OXR1: variants seen among roughly 807,000 people sequenced by gnomAD.
The protein encoded by OXR1 is oxidation resistance protein 1.
A neutral mutation model predicts 104.6 loss-of-function variants in OXR1; 41 were observed. That is an observed-to-expected ratio of 0.39 (90% CI 0.31 to 0.51). The LOEUF is 0.51. Ranked by LOEUF, OXR1 falls within the 20% of genes least tolerant of loss-of-function variation. OXR1 has a pLI of 0.77. For missense variants in OXR1, 955 were observed against 1,031.9 expected (o/e 0.93, Z 1.02); for synonymous variants, 348 against 348.4 (o/e 1.00, Z 0.01).
intron 2 of OXR1, among the ~76,000 whole-genome samples, chr8:106,387,176 C>A (rs1031691920): frequency 8.5e-5 from 13 of 152,248 alleles, no homozygotes; most frequent in Non-Finnish European, 1.8e-4. Flanking sequence ...AGAATACAGA[C>A]ATGTTAAACT....
chr8:106,545,720 A>G (rs756377275), intron 3 of OXR1, among the ~76,000 whole-genome samples: 12 of 152,148 alleles, frequency 7.9e-5, no homozygotes, highest in Non-Finnish European at 1.3e-4. Context: ...AGGTAAAGGA[A>G]GGAAAATAGG....
rs71562118 is a variant in OXR1, at chr8:106,737,440, CTTTTTTTT to C, written c.1957-61_1957-54del. On this transcript the variant is annotated intron_variant, in intron 11 of 16. Transcript: ENST00000517566. ...TTCTCTTCCCATTTTAATTTCTCCT[CTTTTTTTT>C]TTTTTTTTTTTTTTTTTTGCTGTTT... The C allele has an allele frequency of 2.9e-4, 43 of 148,054 alleles. No individual in the cohort carries two copies. The South Asian group carries it at 3.5e-3, about 12-fold the overall frequency. The allele number at this position is 148,054 out of a possible 1,614,324, so 9.2% of individuals were successfully genotyped here.
Position 106,633,232 on chromosome 8 carries a change from AAAAAC to A in OXR1, c.221-45959_221-45955del, listed in dbSNP as rs371897998. On this transcript the variant is annotated intron_variant, in intron 3 of 16. Coordinates refer to ENST00000517566, the MANE Select transcript of OXR1 (RefSeq NM_001198533.2). ...GGGCGACACAGTGAGATTCCATCAA[AAAAAC>A]AAAACAAAACAAAACAAACAACAAC... is the stretch of plus-strand genomic sequence containing the variant. Among the ~76,000 whole-genome samples the A allele has an allele frequency of 1.4e-4, 21 of 152,218 alleles. No individual in the cohort carries two copies. In the South Asian group the frequency reaches 3.1e-3, roughly 23 times the overall value.
chr8:106,406,712 G>T (rs1339099174), intron 2 of OXR1, among the ~76,000 whole-genome samples: 1 of 152,078 alleles, frequency 6.6e-6, no homozygotes, highest in Admixed American at 6.6e-5. Flanking sequence ...GGATGAATAG[G>T]TAGAGTACAG....
chr8:106,595,474 C>T lies in OXR1; in HGVS notation c.220+76335C>T, dbSNP rs1322514315. 3.4e-5 allele frequency among the ~76,000 whole-genome samples: 5 copies of T among 147,750 alleles called. 1 individual carries two copies. The highest frequency in any genetic ancestry group is 2.1e-4 in the South Asian group (1 of 4,720). On this transcript the variant is annotated intron_variant, in intron 3 of 16. Transcript: ENST00000517566. ...CTGAGGCAGGAGAATCACTCGAACC[C>T]GAGAGGCAGAGGTTGCAGTGAGCTG...
intron 7 of OXR1, chr8:106,697,829 A>T: frequency 6.2e-7 from 1 of 1,612,286 alleles, no homozygotes; most frequent in East Asian, 2.2e-5. Context: ...AGCTCACATA[A>T]CACCGTGCCA....
chr8:106,658,477 C>G (rs866029693), intron 3 of OXR1, among the ~76,000 whole-genome samples: 8 of 152,202 alleles, frequency 5.3e-5, no homozygotes, highest in African/African-American at 1.7e-4. Flanking sequence ...AGGGGACGAT[C>G]CATTCTCTCT....
chr8:106,619,326 T>A (rs1396672521), intron 3 of OXR1, among the ~76,000 whole-genome samples: 1 of 152,202 alleles, frequency 6.6e-6, no homozygotes, highest in Non-Finnish European at 1.5e-5. Context: ...AAAGCAATTA[T>A]TTCATATCAT....
intron 2 of OXR1, among the ~76,000 whole-genome samples, chr8:106,494,521 C>T (rs1811297330): frequency 6.6e-6 from 1 of 152,164 alleles, no homozygotes; most frequent in Non-Finnish European, 1.5e-5. Flanking sequence ...CCTAACCCTC[C>T]CCAACTCCCA....
At chr8:106,427,702 CTA>C (rs1347902496) in intron 2 of OXR1, among the ~76,000 whole-genome samples, 1 of 152,136 alleles carries the variant, frequency 6.6e-6, no homozygotes, top group Non-Finnish European at 1.5e-5. Flanking sequence ...TATGTGAAGA[CTA>C]TGTTCTGACA....
intron 2 of OXR1, among the ~76,000 whole-genome samples, chr8:106,457,172 A>G (rs1820641510): frequency 6.6e-6 from 1 of 152,186 alleles, no homozygotes; most frequent in East Asian, 1.9e-4. Flanking sequence ...ATTACTTTGG[A>G]TTAGGTCACC....
intron 3 of OXR1, among the ~76,000 whole-genome samples, chr8:106,578,452 G>A (rs1818006221): frequency 6.6e-6 from 1 of 152,138 alleles, no homozygotes; most frequent in Non-Finnish European, 1.5e-5. Context: ...AGTTAACAGG[G>A]ATACTCATAT....
At chr8:106,299,133 G>A (rs1398945355) in intron 1 of OXR1, among the ~76,000 whole-genome samples, 1 of 151,954 alleles carries the variant, frequency 6.6e-6, no homozygotes, top group Non-Finnish European at 1.5e-5. Flanking sequence ...TTATCACTTT[G>A]TGTTCATCGC....
chr8:106,288,046 C>CG (rs1812571128), intron 1 of OXR1, among the ~76,000 whole-genome samples: 1 of 152,178 alleles, frequency 6.6e-6, no homozygotes, highest in Non-Finnish European at 1.5e-5. Context: ...AGGTATGAAG[C>CG]ATATCCTCTT....
At chr8:106,708,629 A>G (rs1480698041) in intron 9 of OXR1, among the ~76,000 whole-genome samples, 8 of 152,198 alleles carry the variant, frequency 5.3e-5, no homozygotes, top group African/African-American at 1.9e-4. Context: ...TTTAAGGCTG[A>G]ATAATATTCC....
At chr8:106,478,841 T>C (rs1821946465) in intron 2 of OXR1, among the ~76,000 whole-genome samples, 1 of 151,914 alleles carries the variant, frequency 6.6e-6, no homozygotes, top group Non-Finnish European at 1.5e-5. Flanking sequence ...AAAATTAGAA[T>C]AGGTTTCTAA....
chr8:106,687,348 CT>C (rs373545484), intron 6 of OXR1, among the ~76,000 whole-genome samples: 5 of 152,226 alleles, frequency 3.3e-5, no homozygotes, highest in African/African-American at 1.2e-4. Context: ...ATAGAGGAGT[CT>C]TCTGTTATTG....
intron 3 of OXR1, among the ~76,000 whole-genome samples, chr8:106,557,808 TTC>T (rs1816394923): frequency 6.6e-6 from 1 of 152,238 alleles, no homozygotes; most frequent in Non-Finnish European, 1.5e-5. Flanking sequence ...AACAGAATTT[TTC>T]TCTCAGAAGT....
At chr8:106,289,517 A>G (rs1379681586) in intron 1 of OXR1, among the ~76,000 whole-genome samples, 1 of 152,254 alleles carries the variant, frequency 6.6e-6, no homozygotes, top group Non-Finnish European at 1.5e-5. Context: ...CAGAGATGAT[A>G]CAAATAAATA....
Sources: gnomAD v4.1 joint callset for allele counts (sites outside exome capture counted in the v4.1 genomes callset) on GRCh38, gnomAD v4.1.1 for gene constraint, MANE v1.5 for transcripts, NCBI Gene and HGNC (gene_info 2026-07-23, HGNC 2026-07-21) for gene names.